BPTF: variants seen among roughly 807,000 people sequenced by gnomAD.
The protein encoded by BPTF is nucleosome-remodeling factor subunit BPTF.
Under a neutral mutation model 292.5 loss-of-function variants are expected in BPTF, and 18 were observed. The ratio of observed to expected loss-of-function variants is 0.06; its 90% CI spans 0.04 to 0.09. BPTF has a LOEUF of 0.09. Ranked by LOEUF, BPTF falls within the 10% of genes least tolerant of loss-of-function variation. BPTF has a pLI of 1.00. For missense variants in BPTF, 2,726 were observed against 3,498.7 expected (o/e 0.78, Z 5.57); for synonymous variants, 1,225 against 1,251.9 (o/e 0.98, Z 0.45).
At chr17:67,838,662 T>C (rs1034994757) in intron 1 of BPTF, among the ~76,000 whole-genome samples, 16 of 152,138 alleles carry the variant, frequency 1.1e-4, no homozygotes, top group Non-Finnish European at 1.9e-4. Flanking sequence ...ATTTTTTTAG[T>C]AGAGACGAGG....
intron 2 of BPTF, among the ~76,000 whole-genome samples, chr17:67,860,731 C>A (rs2059024484): frequency 1.3e-5 from 2 of 152,144 alleles, no homozygotes; most frequent in African/African-American, 4.8e-5. Flanking sequence ...CATTATATTT[C>A]ATTTTTTTGC....
At position 67,945,762 on chromosome 17, in the gene BPTF, C is replaced by T. The variant is rs782520314; in HGVS notation, c.7054C>T (p.Arg2352Cys). 1.1e-5 allele frequency: 17 copies of T among 1,614,062 alleles called. No individual in the cohort carries two copies. The highest frequency in any genetic ancestry group is 1.6e-4 in the Middle Eastern group (1 of 6,084). ...CCAAAGTCCATCACAGACTCGAATA[C>T]GTCCATCAACTCCATCCCAACTGTC... The part of the protein sequence containing the change: ...RVQSPSQTRI[R>C]PSTPSQLSPG... The change falls in exon 21 of 28, where the codon CGT becomes TGT. Residue 2352 changes from arginine to cysteine, a missense_variant. Physicochemically the swap from Arg to Cys is radical, Grantham distance 180 (BLOSUM62 -3). Around this residue, in one of 22 missense-constraint regions of BPTF, gnomAD observed 570 missense variants for 633.5 expected, o/e 0.90. Coordinates refer to ENST00000306378, the MANE Select transcript of BPTF (RefSeq NM_182641.4).
intron 11 of BPTF, 95 bp from the exon 12 acceptor site, chr17:67,918,619 A>C: frequency 8.2e-7 from 1 of 1,223,332 alleles, no homozygotes; most frequent in African/African-American, 1.5e-5. Flanking sequence ...TGAGGACAAG[A>C]AACACAGCCC....
chr17:67,918,970 T>TGA, intron 12 of BPTF, 132 bp downstream of exon 12: 6 of 866,822 alleles, frequency 6.9e-6, no homozygotes, highest in Non-Finnish European at 9.9e-6. Context: ...CAGGAGATCC[T>TGA]GACCATCCTG....
intron 4 of BPTF, chr17:67,886,253 G>C: frequency 6.2e-7 from 1 of 1,614,028 alleles, no homozygotes; most frequent in African/African-American, 1.3e-5. Flanking sequence ...TGCTAAGGCA[G>C]CTGATGATCC....
At chr17:67,891,738 C>T in intron 4 of BPTF, 106 bp from the exon 5 acceptor site, 1 of 754,512 alleles carries the variant, frequency 1.3e-6, no homozygotes. Flanking sequence ...TATCTGTTTA[C>T]TTTGTGGATC....
At chr17:67,886,212 G>T (rs776623153) in intron 4 of BPTF, 260 of 1,613,878 alleles carry the variant, frequency 1.6e-4, no homozygotes, top group Non-Finnish European at 2.1e-4. Context: ...AGTAACAGCA[G>T]CAGTGAACTA....
intron 1 of BPTF, among the ~76,000 whole-genome samples, chr17:67,841,147 C>T (rs2057524055): frequency 6.6e-6 from 1 of 152,068 alleles, no homozygotes; most frequent in African/African-American, 2.4e-5. Flanking sequence ...GTGGCTCATG[C>T]CTGTAATCCC....
chr17:67,853,362 C>G (rs2058524535), intron 1 of BPTF, among the ~76,000 whole-genome samples: 1 of 152,160 alleles, frequency 6.6e-6, no homozygotes, highest in African/African-American at 2.4e-5. Context: ...CTCTGCACTT[C>G]CTTCCTTTCT....
At chr17:67,844,031 C>T (rs1447858964) in intron 1 of BPTF, among the ~76,000 whole-genome samples, 1 of 143,382 alleles carries the variant, frequency 7.0e-6, no homozygotes, top group African/African-American at 2.6e-5. Flanking sequence ...TCCCAAAGTG[C>T]TGGGATTACA....
At chr17:67,970,053 G>A (rs572005250) in intron 26 of BPTF, among the ~76,000 whole-genome samples, 1 of 152,158 alleles carries the variant, frequency 6.6e-6, no homozygotes, top group East Asian at 1.9e-4. Context: ...GACCAACATG[G>A]CGAAACCCTG....
At chr17:67,947,131 A>C (rs1555675906) in intron 21 of BPTF, among the ~76,000 whole-genome samples, 2 of 152,348 alleles carry the variant, frequency 1.3e-5, no homozygotes, top group African/African-American at 4.8e-5. Context: ...GCAATGATTA[A>C]ATGAGGTCAT....
chr17:67,898,498 TG>T, intron 7 of BPTF, among the ~76,000 whole-genome samples: 1 of 152,258 alleles, frequency 6.6e-6, no homozygotes, highest in East Asian at 1.9e-4. Flanking sequence ...TTCGTAGAGA[TG>T]GGGTCTCCCT....
intron 1 of BPTF, among the ~76,000 whole-genome samples, chr17:67,836,558 C>G (rs547362947): frequency 6.6e-6 from 1 of 152,306 alleles, no homozygotes; most frequent in South Asian, 2.1e-4. Flanking sequence ...TGAATGACAT[C>G]TTAGCTCATC....
At chr17:67,924,251 G>A (rs773509857) in intron 14 of BPTF, among the ~76,000 whole-genome samples, 10 of 151,728 alleles carry the variant, frequency 6.6e-5, no homozygotes, top group Non-Finnish European at 1.3e-4. Flanking sequence ...CACCGCACCC[G>A]GCCTGAGCCA....
intron 1 of BPTF, among the ~76,000 whole-genome samples, chr17:67,844,689 C>G (rs1377462347): frequency 6.6e-6 from 1 of 152,068 alleles, no homozygotes. Context: ...GGGTGAACCA[C>G]TGCGTCCAGT....
At chr17:67,971,521 T>C (rs1487101110) in intron 26 of BPTF, among the ~76,000 whole-genome samples, 2 of 151,748 alleles carry the variant, frequency 1.3e-5, no homozygotes, top group African/African-American at 2.4e-5. Context: ...AATTACACTT[T>C]AGGGCCGGGC....
intron 18 of BPTF, among the ~76,000 whole-genome samples, chr17:67,939,145 A>G (rs1050373116): frequency 2.0e-5 from 3 of 152,230 alleles, no homozygotes; most frequent in African/African-American, 7.2e-5. Context: ...CTTTAAAGAA[A>G]TAATCAGAAG....
rs1284339360 is a variant in BPTF at position 67,826,236 on chromosome 17, A to G, written c.512A>G (p.Asp171Gly). The stretch of plus-strand genomic sequence containing the variant: ...GAGGATGAGATGGAAGAGGACGACG[A>G]TGACTCCGATTATCCGGAGGAGATG... Reference protein sequence around the residue: ...DEEDEMEEDDDDSDYPEEMED... With the variant: ...DEEDEMEEDDGDSDYPEEMED... Residue 171 changes from aspartate to glycine, a missense_variant, in exon 1 of 28, where the codon GAT (aspartate) becomes GGT (glycine). Around this residue, in one of 22 missense-constraint regions of BPTF, gnomAD observed 153 missense variants for 178.3 expected, o/e 0.86. Coordinates refer to ENST00000306378, the MANE Select transcript of BPTF (RefSeq NM_182641.4). 19 of 1,613,870 alleles carry G rather than the reference A, an allele frequency of 1.2e-5. No individual in the cohort carries two copies. Among genetic ancestry groups the G allele is most frequent in the South Asian group, 9.9e-5 (9 of 91,066 alleles).
Sources: allele counts gnomAD v4.1 joint callset (sites outside exome capture counted in the v4.1 genomes callset), GRCh38; gene constraint gnomAD v4.1.1; regional missense constraint gnomAD v4.1.1; transcripts MANE v1.5; gene names NCBI Gene and HGNC (gene_info 2026-07-23, HGNC 2026-07-21).